Variants in GGA3 observed in about 807,000 individuals in gnomAD.
GGA3 encodes ADP-ribosylation factor-binding protein GGA3.
GGA3 carries 57 observed loss-of-function variants against 77.5 expected under a neutral mutation model. The ratio of observed to expected loss-of-function variants is 0.74; its 90% CI spans 0.59 to 0.92. The LOEUF is 0.92. Among genes scored for constraint, GGA3 ranks in the 40% least tolerant of loss-of-function variants. GGA3 has a pLI of 0.00. For synonymous variants in GGA3, 416 were observed against 383.7 expected (o/e 1.08, Z -0.98); for missense variants, 970 against 914.9 (o/e 1.06, Z -0.78).
At chr17:75,241,182 GC>G in intron 10 of GGA3, 125 bp from the exon 11 acceptor site, 2 of 1,157,958 alleles carry the variant, frequency 1.7e-6, no homozygotes, top group Non-Finnish European at 1.3e-6. Flanking sequence ...CGGCATCTCT[GC>G]CAGGGGATGC....
intron 6 of GGA3, 23 bp downstream of exon 6, chr17:75,243,040 C>G (rs1400470860): frequency 1.3e-6 from 2 of 1,577,498 alleles, no homozygotes; most frequent in Non-Finnish European, 1.7e-6. Context: ...ATGAGAAAAT[C>G]CCAGGCCCAG....
upstream of GGA3, chr17:75,261,887 C>T (rs2145629998): frequency 6.2e-7 from 1 of 1,606,956 alleles, no homozygotes; most frequent in Non-Finnish European, 8.5e-7. Context: ...GTGGGGTCCT[C>T]GTGGCCAGCC....
At chr17:75,259,864 T>C (rs2077287941) in intron 1 of GGA3, among the ~76,000 whole-genome samples, 1 of 152,168 alleles carries the variant, frequency 6.6e-6, no homozygotes, top group Admixed American at 6.5e-5. Context: ...ATAATGTGAC[T>C]CTAGGCTGGG....
chr17:75,258,952 CTTTTTTTTT>C (rs1189517940), intron 1 of GGA3, among the ~76,000 whole-genome samples: 1 of 131,342 alleles, frequency 7.6e-6, no homozygotes, highest in Non-Finnish European at 1.6e-5. Flanking sequence ...TGCCTTGTAT[CTTTTTTTTT>C]TTTTTTTTTG....
At chr17:75,239,180 G>C in intron 14 of GGA3, 97 bp from the exon 15 acceptor site, 1 of 1,168,224 alleles carries the variant, frequency 8.6e-7, no homozygotes, top group South Asian at 1.4e-5. Flanking sequence ...TGGTCATGAT[G>C]AGTCCAGTGC....
chr17:75,238,201 G>C lies in GGA3; in HGVS notation c.*78C>G. 1.3e-6 allele frequency: 2 copies of C among 1,563,880 alleles called. No homozygotes were observed. The highest frequency in any genetic ancestry group is 2.4e-5 in the South Asian group (2 of 83,632). On this transcript the variant is annotated 3_prime_UTR_variant, in exon 17 of 17. Transcript: ENST00000537686. ...ACAAGCACTGTTGTCAGGGCATGGA[G>C]AGTGACGGGACCAGAGCCCTCCTCG...
At position 75,261,534 on chromosome 17, in the gene GGA3, C is replaced by T. The variant is rs1165053226; in HGVS notation, c.40+14G>A. On this transcript the variant is annotated intron_variant, in intron 1 of 16. Coordinates refer to ENST00000537686, the MANE Select transcript of GGA3 (RefSeq NM_138619.4). ...GCGGCTCGAGGGCAGGCAGAAACGG[C>T]CGCGGCTACTCACTGAGCCAGGACT... The T allele has an allele frequency of 2.6e-6, 4 of 1,514,940 alleles. No homozygotes were observed. Among genetic ancestry groups the T allele is most frequent in the Admixed American group, 2.2e-5 (1 of 45,390 alleles). 93.8% of individuals were successfully genotyped at this position (1,514,940 alleles called of 1,614,324 possible).
intron 1 of GGA3, among the ~76,000 whole-genome samples, chr17:75,249,577 GCT>G (rs1373216099): frequency 6.6e-6 from 1 of 152,206 alleles, no homozygotes; most frequent in East Asian, 1.9e-4. Context: ...CATTAGCGTA[GCT>G]CTGTTACTAA....
rs932596579 is a variant in GGA3 at position 75,248,494 on chromosome 17, A to T, written c.41-1698T>A. 6.6e-5 allele frequency among the ~76,000 whole-genome samples: 9 copies of T among 136,514 alleles called. No homozygotes were observed. In the East Asian group the frequency reaches 1.3e-3, roughly 20 times the overall value. The allele number at this position is 136,514 out of a possible 152,430, so 89.6% of individuals were successfully genotyped here. A position where few individuals can be genotyped will look rare whatever the true frequency, so the allele number is the denominator to read the frequency against. ...AAAAAAAAAAAAAAAAAAAAAAAAAATCACCAGCTGGGCCGGGTGCAGTGG... is the reference window on the plus strand; with the variant it reads ...AAAAAAAAAAAAAAAAAAAAAAAAATTCACCAGCTGGGCCGGGTGCAGTGG... On this transcript the variant is annotated intron_variant, in intron 1 of 16. Coordinates refer to ENST00000537686, the MANE Select transcript of GGA3 (RefSeq NM_138619.4).
upstream of GGA3, chr17:75,261,684 C>T (rs1598472896): frequency 7.8e-7 from 1 of 1,287,332 alleles, no homozygotes; most frequent in Non-Finnish European, 1.1e-6. Flanking sequence ...GGAGTGAGTG[C>T]CGTCACCGAG....
At chr17:75,238,525 T>C (rs1458035162) in intron 16 of GGA3, 127 bp downstream of exon 16, 1 of 974,214 alleles carries the variant, frequency 1.0e-6, no homozygotes, top group South Asian at 1.5e-5. Context: ...ACACTTAACC[T>C]AAGGCAGCAA....
chr17:75,239,565 C>T lies in GGA3; in HGVS notation c.1590G>A (p.Ser530=), dbSNP rs376003283. The T allele has an allele frequency of 2.5e-5, 39 of 1,555,864 alleles. No homozygotes were observed. The highest frequency in any genetic ancestry group is 2.2e-4 in the East Asian group (9 of 41,334). Residue 530 remains serine, a synonymous_variant, in exon 14 of 17, where the codon TCG becomes TCA. Coordinates refer to ENST00000537686, the MANE Select transcript of GGA3 (RefSeq NM_138619.4). ...DQLLEEAKVT[S]GLVKPTTSPL... ...GGGAGGTAGTGGGTTTCACCAAGCC[C>T]GAGGTCCTGGGAGGTGGGAAGGATG...
At chr17:75,253,318 G>C (rs908137551) in intron 1 of GGA3, among the ~76,000 whole-genome samples, 1 of 152,202 alleles carries the variant, frequency 6.6e-6, no homozygotes, top group East Asian at 1.9e-4. Flanking sequence ...TTTTCTGGTA[G>C]AGACAAACGA....
intron 4 of GGA3, 31 bp downstream of exon 4, chr17:75,244,588 C>A (rs1463627802): frequency 7.3e-7 from 1 of 1,365,776 alleles, no homozygotes; most frequent in South Asian, 1.2e-5. Context: ...AAAAGAAGTC[C>A]CTAAAAGCGA....
rs752954757 is a variant in GGA3 at position 75,242,443 on chromosome 17, G to A, written c.640C>T (p.Arg214Cys). 15 of 1,614,018 alleles carry A rather than the reference G, an allele frequency of 9.3e-6. No homozygotes were observed. The highest frequency in any genetic ancestry group is 5.3e-5 in the African/African-American group (4 of 74,916). ...DEARIQKVTKRLHTLEEVNNN... is the reference protein window; with the variant it reads ...DEARIQKVTKCLHTLEEVNNN... ...TTAACTTCCTCTAACGTGTGCAGAC[G>A]CTTGGTCACCTTCTGGATCCGTGCC... The change falls in exon 8 of 17, where the codon CGT (arginine) becomes TGT (cysteine). Residue 214 changes from arginine to cysteine, a missense_variant. Transcript: ENST00000537686.
chr17:75,260,923 T>A (rs73998432), intron 1 of GGA3, among the ~76,000 whole-genome samples: 1 of 150,200 alleles, frequency 6.7e-6, no homozygotes, highest in South Asian at 2.1e-4. Context: ...TGTATGTGTG[T>A]GGGGGGGGAA....
At position 75,240,794 on chromosome 17, in the gene GGA3, G is replaced by T. The variant is rs756229190; in HGVS notation, c.1192+18C>A. ...AGCCCTGTCAGGGGATGCCCCTGAC[G>T]CCCCCTGTGGGCCGCACCCAAGCAG... is the stretch of plus-strand genomic sequence containing the variant. On this transcript the variant is annotated intron_variant, in intron 11 of 16. Coordinates refer to ENST00000537686, the MANE Select transcript of GGA3 (RefSeq NM_138619.4). The T allele has an allele frequency of 1.3e-6, 2 of 1,595,452 alleles. No homozygotes were observed. The highest frequency in any genetic ancestry group is 1.7e-6 in the Non-Finnish European group (2 of 1,172,474).
At chr17:75,257,279 C>CG (rs756338369) in intron 1 of GGA3, among the ~76,000 whole-genome samples, 2 of 5,676 alleles carry the variant, frequency 3.5e-4, no homozygotes, top group Non-Finnish European at 7.1e-4. Context: ...TTAGACTGTG[C>CG]CCCCCCCCCC....
chr17:75,254,663 C>T (rs1242454020), intron 1 of GGA3, among the ~76,000 whole-genome samples: 1 of 152,154 alleles, frequency 6.6e-6, no homozygotes, highest in Non-Finnish European at 1.5e-5. Flanking sequence ...ACTTAATTAA[C>T]CTCGCCTTCA....
Sources: allele counts gnomAD v4.1 joint callset (sites outside exome capture counted in the v4.1 genomes callset), GRCh38; gene constraint gnomAD v4.1.1; transcripts MANE v1.5; gene names NCBI Gene and HGNC (gene_info 2026-07-23, HGNC 2026-07-21).